The following MGAT4C variants were observed in gnomAD, a reference collection of about 807,000 sequenced individuals.
MGAT4C encodes the protein alpha-1,3-mannosyl-glycoprotein 4-beta-N-acetylglucosaminyltransferase C.
Under a neutral mutation model 40.1 loss-of-function variants are expected in MGAT4C, and 19 were observed. That is an observed-to-expected ratio of 0.47 (90% CI 0.33 to 0.70). The LOEUF is 0.70. Ranked by LOEUF, MGAT4C falls within the 30% of genes least tolerant of loss-of-function variation. The pLI is 0.02. For missense variants in MGAT4C, 491 were observed against 563.2 expected (o/e 0.87, Z 1.30); for synonymous variants, 181 against 187.1 (o/e 0.97, Z 0.27).
At chr12:86,127,280 G>C (rs890341493) in intron 1 of MGAT4C, among the ~76,000 whole-genome samples, 20 of 152,122 alleles carry the variant, frequency 1.3e-4, no homozygotes, top group Non-Finnish European at 2.2e-4. Flanking sequence ...TAACACAGTG[G>C]TAAGTATTTG....
At chr12:86,084,600 C>A (rs187992195) in intron 1 of MGAT4C, among the ~76,000 whole-genome samples, 5 of 151,560 alleles carry the variant, frequency 3.3e-5, no homozygotes, top group African/African-American at 1.2e-4. Context: ...TAATTGTCTC[C>A]CCACCTATAT....
chr12:85,977,046 A>C lies in MGAT4C; in HGVS notation c.*2243T>G, dbSNP rs1330967855. The C allele has an allele frequency of 2.6e-5, 4 of 151,322 alleles. 1 individual carries two copies. Among genetic ancestry groups the C allele is most frequent in the Non-Finnish European group, 5.9e-5 (4 of 67,416 alleles). 9.4% of individuals were successfully genotyped at this position (151,322 alleles called of 1,614,324 possible). On this transcript the variant is annotated 3_prime_UTR_variant, in exon 5 of 5. Transcript: ENST00000611864. The stretch of plus-strand genomic sequence containing the variant: ...CAAACACAGGTTTAGTAAAGAGAGG[A>C]TATAAAGATAAAATGTGAAATGACC...
At chr12:86,449,904 G>A (rs1390901830) in intron 2 of MGAT4C, among the ~76,000 whole-genome samples, 3 of 151,986 alleles carry the variant, frequency 2.0e-5, no homozygotes, top group Non-Finnish European at 4.4e-5. Flanking sequence ...TGGGTGCAGA[G>A]TTTTCTTTTG....
Position 85,979,365 on chromosome 12 carries a change from T to C in MGAT4C, c.1361A>G (p.His454Arg). 2 of 1,612,718 alleles carry C rather than the reference T, an allele frequency of 1.2e-6. No individual in the cohort carries two copies. The highest frequency in any genetic ancestry group is 2.2e-5 in the East Asian group (1 of 44,818). The change falls in exon 5 of 5, where the codon CAT becomes CGT. Residue 454 changes from histidine to arginine, a missense_variant. By Grantham distance (29) the His-to-Arg change is conservative. Transcript: ENST00000611864. ...TTTGGTGACATATATCCTCATACAA[T>C]GTATATCAAATGGAATTTTTTGATT... ...GVNQKIPFDI[H>R]CMRIYVTKTQ... is the part of the protein sequence containing the mutation.
intron 2 of MGAT4C, among the ~76,000 whole-genome samples, chr12:86,448,147 A>T (rs1381567385): frequency 6.6e-6 from 1 of 152,148 alleles, no homozygotes; most frequent in Non-Finnish European, 1.5e-5. Context: ...TGGATGATAA[A>T]ATATGAGACA....
intron 2 of MGAT4C, among the ~76,000 whole-genome samples, chr12:86,642,887 A>G (rs1963431570): frequency 1.3e-5 from 2 of 151,752 alleles, no homozygotes; most frequent in South Asian, 4.1e-4. Flanking sequence ...TGATGAGGAT[A>G]TGGCAAAAAT....
intron 1 of MGAT4C, among the ~76,000 whole-genome samples, chr12:86,807,429 T>C (rs1446843291): frequency 1.3e-5 from 2 of 151,980 alleles, no homozygotes; most frequent in East Asian, 3.9e-4. Context: ...TCCAGCTCCA[T>C]CTATGTTCCT....
intron 4 of MGAT4C, among the ~76,000 whole-genome samples, chr12:86,297,833 A>G (rs1953717180): frequency 6.6e-6 from 1 of 152,188 alleles, no homozygotes; most frequent in African/African-American, 2.4e-5. Flanking sequence ...CATGTTACCA[A>G]CATACATAAA....
chr12:86,229,446 C>T (rs1009194049), intron 1 of MGAT4C, among the ~76,000 whole-genome samples: 7 of 151,760 alleles, frequency 4.6e-5, no homozygotes, highest in African/African-American at 1.7e-4. Context: ...GCATGTGATC[C>T]AAAATTATGC....
intron 3 of MGAT4C, among the ~76,000 whole-genome samples, chr12:86,429,178 A>C (rs1190094125): frequency 6.6e-6 from 1 of 152,068 alleles, no homozygotes; most frequent in Admixed American, 6.5e-5. Context: ...TGTTTGTCTC[A>C]AGATTTTTAA....
chr12:86,566,537 T>C (rs1255487137), intron 2 of MGAT4C, among the ~76,000 whole-genome samples: 1 of 74,250 alleles, frequency 1.3e-5, no homozygotes, highest in Non-Finnish European at 2.5e-5. Flanking sequence ...TATACATATA[T>C]ATATATATAT....
chr12:86,596,395 G>A lies in MGAT4C; in HGVS notation c.-229+130814C>T, dbSNP rs12304778. 6.9e-3 allele frequency among the ~76,000 whole-genome samples: 1,047 copies of A among 152,190 alleles called. 16 individuals are homozygous for A. Among genetic ancestry groups the A allele is most frequent in the African/African-American group, 0.024 (1,008 of 41,522 alleles). Reference sequence around the variant, plus strand: ...AAAACTATTCAATCCCTTTAGGCCCGGGGACTATCGTTAAAGAGATGGCCA... The same window carrying A: ...AAAACTATTCAATCCCTTTAGGCCCAGGGACTATCGTTAAAGAGATGGCCA... On this transcript the variant is annotated intron_variant, in intron 2 of 7. Transcript: ENST00000548651.
rs1189840682 is a variant in MGAT4C, at chr12:86,723,399, G to A, written c.-229+3810C>T. Reference sequence around the variant, plus strand: ...AATTTATTGTCTCACAATTCTGGAGGCCAGAAGTTTGAAATCAAGATGGCC... The same window carrying A: ...AATTTATTGTCTCACAATTCTGGAGACCAGAAGTTTGAAATCAAGATGGCC... On this transcript the variant is annotated intron_variant, in intron 2 of 7. Transcript: ENST00000548651. Among the ~76,000 whole-genome samples the A allele has an allele frequency of 3.3e-5, 5 of 152,232 alleles. No homozygotes were observed. The East Asian group carries it at 7.7e-4, about 24-fold the overall frequency.
chr12:86,806,392 C>A (rs2136210347), intron 1 of MGAT4C, among the ~76,000 whole-genome samples: 1 of 151,896 alleles, frequency 6.6e-6, no homozygotes, highest in Admixed American at 6.6e-5. Context: ...TTGTACAATT[C>A]ATGGATCTTA....
chr12:86,025,933 C>A (rs1890200935), intron 2 of MGAT4C, among the ~76,000 whole-genome samples: 1 of 151,602 alleles, frequency 6.6e-6, no homozygotes, highest in African/African-American at 2.4e-5. Context: ...CTGATATATA[C>A]ATACATATAT....
chr12:86,553,659 G>T (rs1439900948), intron 2 of MGAT4C, among the ~76,000 whole-genome samples: 3 of 152,068 alleles, frequency 2.0e-5, no homozygotes, highest in Non-Finnish European at 2.9e-5. Flanking sequence ...CCTATAGCTT[G>T]CTTGAACACA....
At chr12:86,304,029 T>C (rs1473959547) in intron 4 of MGAT4C, among the ~76,000 whole-genome samples, 3 of 150,482 alleles carry the variant, frequency 2.0e-5, no homozygotes, top group Non-Finnish European at 4.4e-5. Flanking sequence ...GTCTCACAAA[T>C]ACACAAGACA....
chr12:86,063,543 A>G (rs937162206), intron 1 of MGAT4C, among the ~76,000 whole-genome samples: 1 of 152,214 alleles, frequency 6.6e-6, no homozygotes. Context: ...TTAAATGTAA[A>G]TGGGCTAAAT....
intron 1 of MGAT4C, among the ~76,000 whole-genome samples, chr12:86,746,535 A>G (rs907363144): frequency 2.0e-5 from 3 of 151,644 alleles, no homozygotes; most frequent in African/African-American, 7.3e-5. Context: ...GAGACCCCCA[A>G]ATGTTCCTGA....
Sources: gnomAD v4.1 joint callset for allele counts (sites outside exome capture counted in the v4.1 genomes callset) on GRCh38, gnomAD v4.1.1 for gene constraint, MANE v1.5 for transcripts, NCBI Gene and HGNC (gene_info 2026-07-23, HGNC 2026-07-21) for gene names.